Variants in CNTNAP5 observed in about 807,000 individuals in gnomAD.
CNTNAP5 encodes contactin associated protein family member 5.
CNTNAP5 carries 72 observed loss-of-function variants against 150.2 expected under a neutral mutation model. The ratio of observed to expected loss-of-function variants is 0.48; its 90% CI spans 0.40 to 0.58. The LOEUF (loss-of-function observed/expected upper bound fraction) is 0.58, where lower values mean the gene tolerates loss of function less well. Among genes scored for constraint, CNTNAP5 ranks in the 20% least tolerant of loss-of-function variants. The pLI is 0.00. For missense variants in CNTNAP5, 1,636 were observed against 1,626.2 expected (o/e 1.01, Z -0.10); for synonymous variants, 672 against 619.8 (o/e 1.08, Z -1.25).
chr2:124,486,539 G>T (rs1693884185), intron 7 of CNTNAP5, among the ~76,000 whole-genome samples: 2 of 152,202 alleles, frequency 1.3e-5, no homozygotes, highest in Non-Finnish European at 2.9e-5. Flanking sequence ...TAGCACAACT[G>T]CCAATCTCTT....
At chr2:124,830,099 A>G (rs900591081) in intron 19 of CNTNAP5, among the ~76,000 whole-genome samples, 5 of 151,858 alleles carry the variant, frequency 3.3e-5, no homozygotes, top group African/African-American at 4.8e-5. Context: ...GAGGATCTAG[A>G]TTATTTATCA....
At chr2:124,346,326 T>A (rs916828630) in intron 3 of CNTNAP5, among the ~76,000 whole-genome samples, 6 of 152,226 alleles carry the variant, frequency 3.9e-5, no homozygotes, top group African/African-American at 1.4e-4. Flanking sequence ...CTGTTATGGC[T>A]TACTCTGGTT....
chr2:124,376,096 G>A (rs772914743), intron 3 of CNTNAP5, among the ~76,000 whole-genome samples: 1 of 152,022 alleles, frequency 6.6e-6, no homozygotes, highest in Non-Finnish European at 1.5e-5. Context: ...TAGTACCCAA[G>A]TTAACTGGAA....
chr2:124,265,429 G>A (rs999004467), intron 3 of CNTNAP5, among the ~76,000 whole-genome samples: 1 of 152,060 alleles, frequency 6.6e-6, no homozygotes, highest in Admixed American at 6.6e-5. Flanking sequence ...TGACCATGGG[G>A]TGCAAATCGC....
chr2:124,369,263 C>T (rs1357654041), intron 3 of CNTNAP5, among the ~76,000 whole-genome samples: 1 of 152,098 alleles, frequency 6.6e-6, no homozygotes, highest in Non-Finnish European at 1.5e-5. Flanking sequence ...AGAAAGAAAC[C>T]TTGGAGGCCA....
intron 1 of CNTNAP5, among the ~76,000 whole-genome samples, chr2:124,150,034 A>G (rs7581682): frequency 0.14 from 20,555 of 152,168 alleles, 1,493 homozygotes; most frequent in Middle Eastern, 0.23. Flanking sequence ...AAAAATCTGG[A>G]ACAATGGTGA....
At chr2:124,749,651 T>C (rs1456195987) in intron 14 of CNTNAP5, among the ~76,000 whole-genome samples, 1 of 152,140 alleles carries the variant, frequency 6.6e-6, no homozygotes, top group Non-Finnish European at 1.5e-5. Flanking sequence ...CCTGACCTCA[T>C]GATTCTCCTG....
chr2:124,503,392 T>C (rs1694321497), intron 7 of CNTNAP5, among the ~76,000 whole-genome samples: 1 of 152,206 alleles, frequency 6.6e-6, no homozygotes, highest in African/African-American at 2.4e-5. Flanking sequence ...ACCTGGCCAC[T>C]TCTGTGGAAA....
chr2:124,362,066 G>A (rs1258566605), intron 3 of CNTNAP5, among the ~76,000 whole-genome samples: 1 of 152,200 alleles, frequency 6.6e-6, no homozygotes, highest in Non-Finnish European at 1.5e-5. Flanking sequence ...GGAGTGACCC[G>A]ATTTTCCCGG....
intron 19 of CNTNAP5, among the ~76,000 whole-genome samples, chr2:124,860,185 C>CT (rs1677483279): frequency 1.3e-5 from 2 of 151,244 alleles, no homozygotes; most frequent in African/African-American, 4.9e-5. Context: ...CCCATCTCTA[C>CT]TAAAAATACA....
chr2:124,304,735 G>A (rs1186170704), intron 3 of CNTNAP5, among the ~76,000 whole-genome samples: 1 of 152,120 alleles, frequency 6.6e-6, no homozygotes, highest in Non-Finnish European at 1.5e-5. Context: ...ATATACAAAT[G>A]GCCAGAGGCT....
intron 1 of CNTNAP5, among the ~76,000 whole-genome samples, chr2:124,095,778 TCTA>T (rs939209974): frequency 6.6e-6 from 1 of 152,198 alleles, no homozygotes; most frequent in African/African-American, 2.4e-5. Context: ...TTTTTTTTCT[TCTA>T]TTCTGAATTT....
intron 19 of CNTNAP5, among the ~76,000 whole-genome samples, chr2:124,822,565 A>G (rs1369305625): frequency 6.6e-6 from 1 of 152,210 alleles, no homozygotes; most frequent in Non-Finnish European, 1.5e-5. Flanking sequence ...AAGCATTTCT[A>G]CATCCAGAAG....
At chr2:124,070,257 G>T (rs1682267327) in intron 1 of CNTNAP5, among the ~76,000 whole-genome samples, 1 of 151,160 alleles carries the variant, frequency 6.6e-6, no homozygotes, top group Non-Finnish European at 1.5e-5. Context: ...AAGATAAGAA[G>T]GAAAGAAAGA....
At chr2:124,670,762 C>G (rs894091888) in intron 13 of CNTNAP5, among the ~76,000 whole-genome samples, 6 of 152,152 alleles carry the variant, frequency 3.9e-5, no homozygotes, top group Admixed American at 3.9e-4. Flanking sequence ...TGCTCGTTCA[C>G]CTCTTTCAAA....
At chr2:124,463,124 A>G (rs1397350296) in intron 6 of CNTNAP5, among the ~76,000 whole-genome samples, 5 of 152,194 alleles carry the variant, frequency 3.3e-5, no homozygotes, top group African/African-American at 1.2e-4. Context: ...TTAGGAACCC[A>G]GTTCAGGGCA....
At chr2:124,164,359 TGCTTTC>T (rs1684758263) in intron 1 of CNTNAP5, among the ~76,000 whole-genome samples, 1 of 152,176 alleles carries the variant, frequency 6.6e-6, no homozygotes, top group African/African-American at 2.4e-5. Flanking sequence ...AACTCCCCAT[TGCTTTC>T]ACACCCAGCC....
In CNTNAP5 at chr2:124,588,188, C is replaced by A. The variant is rs924484078; in HGVS notation, c.1757-21613C>A. 6.2e-3 allele frequency among the ~76,000 whole-genome samples: 583 copies of A among 94,466 alleles called. 7 individuals carry two copies. The highest frequency in any genetic ancestry group is 0.023 in the South Asian group (67 of 2,962). The allele number at this position is 94,466 out of a possible 152,430, so 62.0% of individuals were successfully genotyped here. ...TCCTTCCTTCCTTCCTTCTTTCTTT[C>A]TTTCTTTCTTTCTTTCTTTCTTTCT... On this transcript the variant is annotated intron_variant, in intron 11 of 23. Transcript: ENST00000682447.
intron 13 of CNTNAP5, among the ~76,000 whole-genome samples, chr2:124,686,073 C>T (rs1679187989): frequency 6.6e-6 from 1 of 152,072 alleles, no homozygotes; most frequent in Non-Finnish European, 1.5e-5. Context: ...TCTTGTCATA[C>T]TACCTTCTGT....
Sources: allele counts gnomAD v4.1 joint callset (sites outside exome capture counted in the v4.1 genomes callset), GRCh38; gene constraint gnomAD v4.1.1; transcripts MANE v1.5; gene names NCBI Gene and HGNC (gene_info 2026-07-23, HGNC 2026-07-21).